Variants in FHIT observed in about 807,000 individuals in gnomAD.
The protein encoded by FHIT is fragile histidine triad diadenosine triphosphatase, also known as bis(5'-adenosyl)-triphosphatase.
A neutral mutation model predicts 17.9 loss-of-function variants in FHIT; 19 were observed. The ratio of observed to expected loss-of-function variants is 1.06; its 90% CI spans 0.74 to 1.56. The LOEUF is 1.56. FHIT is among the 40% of genes most tolerant of loss of function. The pLI is 0.00. For synonymous variants in FHIT, 81 were observed against 69.7 expected (o/e 1.16, Z -0.81); for missense variants, 248 against 189.2 (o/e 1.31, Z -1.82).
chr3:61,001,874 T>C (rs1483797299), intron 3 of FHIT, among the ~76,000 whole-genome samples: 1 of 152,222 alleles, frequency 6.6e-6, no homozygotes, highest in African/African-American at 2.4e-5. Context: ...TGCCAATTTC[T>C]TGGTTTTTAT....
At chr3:60,419,352 A>G (rs1702387015) in intron 5 of FHIT, among the ~76,000 whole-genome samples, 1 of 152,196 alleles carries the variant, frequency 6.6e-6, no homozygotes, top group Non-Finnish European at 1.5e-5. Context: ...ATTATTTGAA[A>G]TGTGCTTGTT....
At chr3:60,114,549 G>A (rs527281881) in intron 5 of FHIT, among the ~76,000 whole-genome samples, 7 of 127,374 alleles carry the variant, frequency 5.5e-5, no homozygotes, top group African/African-American at 1.8e-4. Context: ...AGGCCTGAGT[G>A]AAGGTGCAAT....
chr3:60,559,139 T>G (rs2036844110), intron 4 of FHIT, among the ~76,000 whole-genome samples: 1 of 152,168 alleles, frequency 6.6e-6, no homozygotes, highest in Non-Finnish European at 1.5e-5. Context: ...TATTCATAGA[T>G]TTGTGTTAGT....
intron 5 of FHIT, among the ~76,000 whole-genome samples, chr3:60,418,704 T>C (rs987487827): frequency 6.6e-6 from 1 of 150,886 alleles, no homozygotes; most frequent in African/African-American, 2.4e-5. Flanking sequence ...TTATGCAACA[T>C]CTAGTATTCA....
At chr3:59,756,548 C>T (rs1036931998) in intron 8 of FHIT, among the ~76,000 whole-genome samples, 6 of 152,104 alleles carry the variant, frequency 3.9e-5, no homozygotes, top group Admixed American at 6.6e-5. Context: ...AGTATTGAGA[C>T]GACATCCTGA....
intron 8 of FHIT, among the ~76,000 whole-genome samples, chr3:59,773,231 T>C (rs533809434): frequency 6.6e-6 from 1 of 152,310 alleles, no homozygotes; most frequent in Admixed American, 6.5e-5. Flanking sequence ...CTTCAAGCCC[T>C]GCCTGCCCAG....
chr3:60,140,076 G>A (rs143334940), intron 5 of FHIT, among the ~76,000 whole-genome samples: 4 of 151,714 alleles, frequency 2.6e-5, no homozygotes, highest in African/African-American at 4.8e-5. Flanking sequence ...AGCAGAGATC[G>A]TACCACTGCA....
intron 2 of FHIT, among the ~76,000 whole-genome samples, chr3:61,065,740 T>C (rs1467421269): frequency 6.7e-6 from 1 of 149,340 alleles, no homozygotes; most frequent in African/African-American, 2.5e-5. Flanking sequence ...ACTCTTTCAC[T>C]ACCTCCCACC....
intron 8 of FHIT, among the ~76,000 whole-genome samples, chr3:59,825,377 A>G (rs977785553): frequency 6.6e-6 from 1 of 152,248 alleles, no homozygotes; most frequent in Admixed American, 6.5e-5. Context: ...TGGCACTTTC[A>G]TTTATTATCA....
chr3:59,993,205 G>C (rs987121026), intron 7 of FHIT, among the ~76,000 whole-genome samples: 1 of 151,964 alleles, frequency 6.6e-6, no homozygotes, highest in East Asian at 1.9e-4. Flanking sequence ...TGGTCGTTAC[G>C]ACATGTTGCC....
chr3:60,196,841 C>T (rs1247967513), intron 5 of FHIT, among the ~76,000 whole-genome samples: 2 of 148,786 alleles, frequency 1.3e-5, no homozygotes, highest in Non-Finnish European at 3.0e-5. Flanking sequence ...AAAAAAAAAT[C>T]AAGCAGGATT....
At chr3:60,955,614 A>ATATATATACATATATATACATG (rs1709101395) in intron 3 of FHIT, among the ~76,000 whole-genome samples, 1 of 12,178 alleles carries the variant, frequency 8.2e-5, no homozygotes, top group Non-Finnish European at 2.8e-4. Flanking sequence ...ATATATATAT[A>ATATATATACATATATATACATG]TATATATATA....
At chr3:60,325,751 T>A (rs1709661948) in intron 5 of FHIT, among the ~76,000 whole-genome samples, 1 of 152,174 alleles carries the variant, frequency 6.6e-6, no homozygotes, top group Non-Finnish European at 1.5e-5. Flanking sequence ...CAGAATAAAA[T>A]TCAGTCAGTG....
intron 4 of FHIT, among the ~76,000 whole-genome samples, chr3:60,786,330 A>T (rs141391057): frequency 3.9e-4 from 59 of 152,316 alleles, no homozygotes; most frequent in African/African-American, 1.3e-3. Flanking sequence ...GAAATGAAAA[A>T]ATCTTTTAAG....
chr3:59,839,511 G>A (rs1002908459), intron 8 of FHIT, among the ~76,000 whole-genome samples: 4 of 152,038 alleles, frequency 2.6e-5, no homozygotes, highest in African/African-American at 9.7e-5. Flanking sequence ...TGTTGTACCC[G>A]GTAAGTACTT....
intron 8 of FHIT, among the ~76,000 whole-genome samples, chr3:59,859,495 A>T (rs540729856): frequency 2.5e-4 from 38 of 152,174 alleles, no homozygotes; most frequent in African/African-American, 8.9e-4. Flanking sequence ...AGGCGGGTGG[A>T]TCACCTGAGG....
chr3:60,560,555 G>A (rs374115908), intron 4 of FHIT, among the ~76,000 whole-genome samples: 2 of 152,002 alleles, frequency 1.3e-5, no homozygotes, highest in East Asian at 1.9e-4. Context: ...CTCACCCCAG[G>A]TCTGCAGTGA....
At chr3:59,961,076 G>A (rs745812949) in intron 7 of FHIT, among the ~76,000 whole-genome samples, 76 of 152,310 alleles carry the variant, frequency 5.0e-4, no homozygotes, top group Non-Finnish European at 9.0e-4. Context: ...TGAATTTGAG[G>A]CCTAAAGAAT....
Position 61,175,605 on chromosome 3 carries a change from C to T in FHIT, c.-164+25012G>A, listed in dbSNP as rs534507937. Among the ~76,000 whole-genome samples the T allele has an allele frequency of 4.6e-5, 7 of 152,092 alleles. No individual in the cohort carries two copies. The South Asian group carries it at 6.2e-4, about 14-fold the overall frequency. Reference sequence around the variant, plus strand: ...ATTGGGAGATGTGGCCCTTGGGTAGCGATTAAGTCATGAGGGCGAGGCTCT... The same window carrying T: ...ATTGGGAGATGTGGCCCTTGGGTAGTGATTAAGTCATGAGGGCGAGGCTCT... On this transcript the variant is annotated intron_variant, in intron 2 of 9. Transcript: ENST00000492590.
Sources: gnomAD v4.1 joint callset for allele counts (sites outside exome capture counted in the v4.1 genomes callset) on GRCh38, gnomAD v4.1.1 for gene constraint, MANE v1.5 for transcripts, NCBI Gene and HGNC (gene_info 2026-07-23, HGNC 2026-07-21) for gene names.